DCAF6: variants seen among roughly 807,000 people sequenced by gnomAD.
DCAF6 encodes DDB1 and CUL4 associated factor 6.
In DCAF6, 54 loss-of-function variants were observed where a neutral mutation model predicts 125.1. The observed-to-expected ratio is 0.43, with a 90% CI of 0.35 to 0.54. DCAF6 has a LOEUF of 0.54. DCAF6 is among the 20% of genes least tolerant of loss of function. The pLI is 0.01. For synonymous variants in DCAF6, 371 were observed against 390.4 expected (o/e 0.95, Z 0.58); for missense variants, 934 against 1,161.7 (o/e 0.80, Z 2.85).
chr1:167,870,731 C>A, the DCAF6 span, among the ~76,000 whole-genome samples: 3 of 151,366 alleles, frequency 2.0e-5, no homozygotes, highest in Non-Finnish European at 2.9e-5. Flanking sequence ...ATTGCTTGAA[C>A]CCAGGAGGCG....
intron 1 of DCAF6, among the ~76,000 whole-genome samples, chr1:167,949,309 G>A (rs966511416): frequency 3.9e-5 from 6 of 152,134 alleles, no homozygotes; most frequent in South Asian, 2.1e-4. Flanking sequence ...GGCACTAGTC[G>A]TTTTGTTCTG....
the DCAF6 span, chr1:167,896,490 C>T: frequency 3.4e-6 from 3 of 890,462 alleles, no homozygotes; most frequent in Non-Finnish European, 5.7e-6. Flanking sequence ...GGACCAGGAG[C>T]TGTGTTGAGG....
chr1:167,868,470 G>C, the DCAF6 span, among the ~76,000 whole-genome samples: 1 of 152,128 alleles, frequency 6.6e-6, no homozygotes, highest in East Asian at 1.9e-4. Flanking sequence ...CAGTTACATG[G>C]TGGAGTTCAA....
chr1:168,002,013 G>T (rs923383479), intron 7 of DCAF6, among the ~76,000 whole-genome samples: 1 of 152,170 alleles, frequency 6.6e-6, no homozygotes, highest in Non-Finnish European at 1.5e-5. Flanking sequence ...AATAGATTCT[G>T]TTTGGGAACC....
At position 168,022,887 on chromosome 1, in the gene DCAF6, G is replaced by A. The variant is rs1042737300; in HGVS notation, c.1550-101G>A. 1.3e-4 allele frequency: 134 copies of A among 1,053,278 alleles called. 4 individuals carry two copies. Among genetic ancestry groups the A allele is most frequent in the Middle Eastern group, 1.2e-3 (6 of 5,032 alleles). The allele number at this position is 1,053,278 out of a possible 1,614,324, so 65.2% of individuals were successfully genotyped here. On this transcript the variant is annotated intron_variant, in intron 11 of 21. Coordinates refer to ENST00000367840, the MANE Select transcript of DCAF6 (RefSeq NM_001198956.2). ...ACACCACAGTACTTACTTCTATTCC[G>A]CAGCCTTATACATTTGTTTCTTAAG...
chr1:168,002,586 T>G lies in DCAF6; in HGVS notation c.997+11T>G. Reference sequence around the variant, plus strand: ...AACGAGAACGAGATGGTAACTATACTTTGGTCAGCTTTTCTTTGTATATGG... The same window carrying G: ...AACGAGAACGAGATGGTAACTATACGTTGGTCAGCTTTTCTTTGTATATGG... On this transcript the variant is annotated intron_variant, in intron 8 of 21. Transcript: ENST00000367840. The G allele has an allele frequency of 6.2e-7, 1 of 1,604,918 alleles. No homozygotes were observed. Among genetic ancestry groups the G allele is most frequent in the Non-Finnish European group, 8.5e-7 (1 of 1,173,152 alleles).
the DCAF6 span, chr1:167,875,201 A>G: frequency 1.9e-6 from 3 of 1,613,252 alleles, no homozygotes; most frequent in Non-Finnish European, 2.5e-6. Context: ...AGAGAAGAAC[A>G]AAAGAACAGA....
At chr1:167,919,837 G>T in the DCAF6 span, 4 of 527,642 alleles carry the variant, frequency 7.6e-6, no homozygotes, top group African/African-American at 2.0e-5. Context: ...TCTTGTCTTA[G>T]CATTATATAT....
chr1:167,943,381 C>A (rs1276693558), intron 1 of DCAF6, among the ~76,000 whole-genome samples: 2 of 152,150 alleles, frequency 1.3e-5, no homozygotes, highest in Admixed American at 1.3e-4. Flanking sequence ...TATGAATCTT[C>A]TCATCTGTGG....
At chr1:167,960,167 C>T (rs957058965) in intron 2 of DCAF6, among the ~76,000 whole-genome samples, 1 of 151,840 alleles carries the variant, frequency 6.6e-6, no homozygotes, top group Non-Finnish European at 1.5e-5. Flanking sequence ...GTCAAAGGTC[C>T]GATGATCGTG....
At chr1:167,878,932 C>T in the DCAF6 span, among the ~76,000 whole-genome samples, 3 of 152,202 alleles carry the variant, frequency 2.0e-5, no homozygotes, top group African/African-American at 7.2e-5. Context: ...ATGGCCACAG[C>T]ACTGAAGGCT....
the DCAF6 span, among the ~76,000 whole-genome samples, chr1:167,883,274 G>A: frequency 6.6e-6 from 1 of 152,346 alleles, no homozygotes; most frequent in Admixed American, 6.5e-5. Context: ...CTGACCTCAA[G>A]TGATCCGCCC....
chr1:167,876,800 T>C, the DCAF6 span, among the ~76,000 whole-genome samples: 1 of 152,200 alleles, frequency 6.6e-6, no homozygotes, highest in Non-Finnish European at 1.5e-5. Flanking sequence ...TTGTGAATGC[T>C]TTTGTCAATG....
chr1:167,996,867 C>T (rs559108973), intron 7 of DCAF6, among the ~76,000 whole-genome samples: 1 of 152,218 alleles, frequency 6.6e-6, no homozygotes, highest in Admixed American at 6.5e-5. Context: ...CTTATGTAAC[C>T]TTCTTGGTGA....
the DCAF6 span, chr1:167,917,788 T>G: frequency 8.5e-5 from 13 of 152,420 alleles, no homozygotes; most frequent in African/African-American, 2.9e-4. Flanking sequence ...TGATCCTATT[T>G]AAAAATCTGT....
At chr1:168,009,266 G>A (rs1571917818) in intron 10 of DCAF6, among the ~76,000 whole-genome samples, 1 of 151,874 alleles carries the variant, frequency 6.6e-6, no homozygotes, top group East Asian at 2.0e-4. Flanking sequence ...CCAAAGTGCT[G>A]GGATTACAGG....
rs1033593525 is a variant in DCAF6 at position 168,044,904 on chromosome 1, A to G, written c.1935A>G (p.Gln645=). The part of the protein sequence containing the change: ...NPVENHINIT[Q]SDKFTAKPLD... ...TACAACTTTATTTTCTGACAGCACA[A>G]TCAGATAAGTTCACAGCCAAGCCAT... Residue 645 remains glutamine (Q), a synonymous_variant, in exon 16 of 22, where the codon CAA becomes CAG. Transcript: ENST00000367840. 4 of 1,612,700 alleles carry G rather than the reference A, an allele frequency of 2.5e-6. No homozygotes were observed. The highest frequency in any genetic ancestry group is 1.7e-6 in the Non-Finnish European group (2 of 1,179,520).
the DCAF6 span, among the ~76,000 whole-genome samples, chr1:167,874,929 G>A: frequency 1.3e-5 from 2 of 152,234 alleles, no homozygotes; most frequent in East Asian, 1.9e-4. Flanking sequence ...ATAAGTAATC[G>A]AGGGTGTTAG....
chr1:167,980,635 T>G (rs1393733487), intron 4 of DCAF6, among the ~76,000 whole-genome samples: 1 of 151,982 alleles, frequency 6.6e-6, no homozygotes, highest in Non-Finnish European at 1.5e-5. Flanking sequence ...CTCCTTTGCT[T>G]TTTTTTAATC....
Sources: allele counts gnomAD v4.1 joint callset (sites outside exome capture counted in the v4.1 genomes callset), GRCh38; gene constraint gnomAD v4.1.1; transcripts MANE v1.5; gene names NCBI Gene and HGNC (gene_info 2026-07-23, HGNC 2026-07-21).